Variants in WDPCP observed in about 807,000 individuals in gnomAD.
The protein encoded by WDPCP is WD repeat containing planar cell polarity effector, also known as WD repeat-containing and planar cell polarity effector protein fritz homolog.
Under a neutral mutation model 93.1 loss-of-function variants are expected in WDPCP, and 71 were observed. That is an observed-to-expected ratio of 0.76 (90% confidence interval 0.63 to 0.93). The LOEUF is 0.93. Ranked by LOEUF, WDPCP falls within the 40% of genes least tolerant of loss-of-function variation. The probability of loss-of-function intolerance (pLI) is 0.00; values close to 1 mark genes in which losing one functional copy is unlikely to be tolerated. For synonymous variants in WDPCP, 315 were observed against 315.0 expected, an observed-to-expected ratio of 1.00 and a Z score of 0.00; for missense variants, 844 against 887.4, an observed-to-expected ratio of 0.95 and a Z score of 0.62.
intron 15 of WDPCP, among the ~76,000 whole-genome samples, chr2:63,172,872 G>A (rs1161708556): frequency 6.6e-6 from 1 of 152,094 alleles, no homozygotes; most frequent in East Asian, 1.9e-4. Context: ...AAAGAGAGGG[G>A]CACTTTTGGC....
chr2:63,504,324 TTGTGTGTG>T (rs60202196), intron 1 of WDPCP, among the ~76,000 whole-genome samples: 1,546 of 138,108 alleles, frequency 0.011, 24 homozygotes, highest in African/African-American at 0.032. Context: ...ACGTACTAAA[TTGTGTGTG>T]TGTGTGTGTG....
intron 13 of WDPCP, among the ~76,000 whole-genome samples, chr2:63,298,458 C>T (rs1483654920): frequency 6.6e-6 from 1 of 151,780 alleles, no homozygotes; most frequent in East Asian, 2.0e-4. Flanking sequence ...GGCATTATCC[C>T]ATTGGCTGCC....
chr2:63,483,117 T>C (rs1226006205), intron 6 of WDPCP, among the ~76,000 whole-genome samples: 1 of 151,980 alleles, frequency 6.6e-6, no homozygotes, highest in Non-Finnish European at 1.5e-5. Context: ...ACTGCATATT[T>C]TAAGATGCCC....
At chr2:63,402,314 TG>T (rs1056729541) in intron 10 of WDPCP, among the ~76,000 whole-genome samples, 11 of 151,884 alleles carry the variant, frequency 7.2e-5, no homozygotes, top group Admixed American at 1.3e-4. Flanking sequence ...AAGGGCCTGT[TG>T]GGGGTGGGGA....
intron 14 of WDPCP, among the ~76,000 whole-genome samples, chr2:63,248,152 G>A (rs1044923290): frequency 6.6e-6 from 1 of 151,804 alleles, no homozygotes; most frequent in Non-Finnish European, 1.5e-5. Flanking sequence ...TTTAATTCAG[G>A]TTGATAATAA....
rs1265102058 is a variant in WDPCP, at chr2:63,403,962, T to C, written c.1435+86A>G. 2.2e-5 allele frequency: 34 copies of C among 1,571,142 alleles called. No homozygotes were observed. In the Middle Eastern group the frequency reaches 6.7e-4, roughly 31 times the overall value. ...TTATGGGATGATAAATAGAAAAATC[T>C]ACATTCTAAGAATAGTTTTATTGCC... is the stretch of plus-strand genomic sequence containing the variant. On this transcript the variant is annotated intron_variant, in intron 10 of 17. Transcript: ENST00000272321.
chr2:63,447,169 G>A (rs1164879437), intron 6 of WDPCP, among the ~76,000 whole-genome samples: 1 of 151,780 alleles, frequency 6.6e-6, no homozygotes, highest in East Asian at 1.9e-4. Context: ...TGTTTTACTA[G>A]GAAAAAAACA....
At chr2:63,170,101 C>G (rs1232117236) in intron 15 of WDPCP, among the ~76,000 whole-genome samples, 1 of 151,202 alleles carries the variant, frequency 6.6e-6, no homozygotes, top group Non-Finnish European at 1.5e-5. Flanking sequence ...GCTATGTTGC[C>G]CAGGCTGGTC....
intron 13 of WDPCP, among the ~76,000 whole-genome samples, chr2:63,309,100 G>A (rs568392973): frequency 6.6e-6 from 1 of 152,138 alleles, no homozygotes; most frequent in Admixed American, 6.5e-5. Context: ...CAGACACTGG[G>A]GACTCCAAAG....
chr2:63,642,186 C>T (rs1709988205), intron 3 of WDPCP, among the ~76,000 whole-genome samples: 2 of 151,936 alleles, frequency 1.3e-5, no homozygotes, highest in African/African-American at 4.8e-5. Context: ...TACTATAGCG[C>T]TGTAGTATAA....
chr2:63,188,200 G>A (rs1039936635), intron 14 of WDPCP, among the ~76,000 whole-genome samples: 14 of 152,134 alleles, frequency 9.2e-5, no homozygotes, highest in African/African-American at 3.4e-4. Context: ...AGTTCATTGA[G>A]TTTTGAGTTT....
intron 1 of WDPCP, among the ~76,000 whole-genome samples, chr2:63,523,024 A>C (rs534275639): frequency 6.6e-6 from 1 of 152,308 alleles, no homozygotes. Context: ...CTTCAGGCCA[A>C]TATCCTTGAT....
chr2:63,521,243 A>G (rs1702909967), intron 1 of WDPCP, among the ~76,000 whole-genome samples: 1 of 152,204 alleles, frequency 6.6e-6, no homozygotes, highest in Non-Finnish European at 1.5e-5. Flanking sequence ...TAAATGCCCT[A>G]ATTAAAAGGC....
chr2:63,668,191 C>T (rs1710304875), intron 2 of WDPCP, among the ~76,000 whole-genome samples: 1 of 152,090 alleles, frequency 6.6e-6, no homozygotes, highest in Non-Finnish European at 1.5e-5. Flanking sequence ...ACTGGCTACC[C>T]TCCTTTGCAG....
chr2:63,556,231 G>A (rs550296877), intron 1 of WDPCP, among the ~76,000 whole-genome samples: 4 of 152,242 alleles, frequency 2.6e-5, no homozygotes, highest in African/African-American at 9.6e-5. Context: ...AATAGACCAA[G>A]TGAAGGAAAG....
intron 3 of WDPCP, among the ~76,000 whole-genome samples, chr2:63,630,183 ATT>A (rs1481332765): frequency 6.6e-6 from 1 of 152,214 alleles, no homozygotes; most frequent in Non-Finnish European, 1.5e-5. Context: ...TCACAAACGT[ATT>A]CAAGTAACCC....
At chr2:63,621,368 C>T (rs998633864) in intron 3 of WDPCP, among the ~76,000 whole-genome samples, 5 of 151,636 alleles carry the variant, frequency 3.3e-5, no homozygotes, top group African/African-American at 7.3e-5. Context: ...ACAAGAACTT[C>T]GTGAAGCATA....
chr2:63,229,284 G>GT (rs968921794), intron 14 of WDPCP: 56 of 152,080 alleles, frequency 3.7e-4, no homozygotes, highest in African/African-American at 1.3e-3. Context: ...GGGGTTGTTT[G>GT]TTTTTTTCTT....
chr2:63,560,953 C>T (rs1239119344), intron 1 of WDPCP, among the ~76,000 whole-genome samples: 1 of 152,178 alleles, frequency 6.6e-6, no homozygotes, highest in African/African-American at 2.4e-5. Context: ...GCACGTTGTG[C>T]ACATGTACCC....
Sources: allele counts gnomAD v4.1 joint callset (sites outside exome capture counted in the v4.1 genomes callset), GRCh38; gene constraint gnomAD v4.1.1; transcripts MANE v1.5; gene names NCBI Gene and HGNC (gene_info 2026-07-23, HGNC 2026-07-21).